The following RBFOX1 variants were observed in gnomAD, a reference collection of about 807,000 sequenced individuals.
RBFOX1 encodes the protein RNA binding protein fox-1 homolog 1.
A neutral mutation model predicts 57.7 loss-of-function variants in RBFOX1; 8 were observed. That is an observed-to-expected ratio of 0.14 (90% confidence interval 0.08 to 0.25). RBFOX1 has a LOEUF of 0.25. Ranked by LOEUF, RBFOX1 falls within the 10% of genes least tolerant of loss-of-function variation. The pLI is 1.00. For synonymous variants in RBFOX1, 326 were observed against 222.4 expected, an observed-to-expected ratio of 1.47 and a Z score of -4.15; for missense variants, 611 against 548.5, an observed-to-expected ratio of 1.11 and a Z score of -1.14.
At chr16:7,296,676 A>G (rs1004713153) in intron 4 of RBFOX1, among the ~76,000 whole-genome samples, 1 of 152,174 alleles carries the variant, frequency 6.6e-6, no homozygotes, top group African/African-American at 2.4e-5. Context: ...GCTGCAATGA[A>G]TAGGCTCCCT....
intron 4 of RBFOX1, among the ~76,000 whole-genome samples, chr16:7,446,728 C>G (rs969745010): frequency 6.7e-6 from 1 of 149,130 alleles, no homozygotes; most frequent in Non-Finnish European, 1.5e-5. Context: ...TTTTCTCTTA[C>G]TAAAGAAGAC....
intron 4 of RBFOX1, among the ~76,000 whole-genome samples, chr16:5,944,964 T>TAAA (rs386384118): frequency 0.025 from 1,200 of 47,692 alleles, 156 homozygotes; most frequent in African/African-American, 0.091. Flanking sequence ...GACTCTGTCA[T>TAAA]AAAAAAAAAA....
chr16:7,620,184 A>G (rs922276836), intron 10 of RBFOX1, among the ~76,000 whole-genome samples: 1 of 152,192 alleles, frequency 6.6e-6, no homozygotes, highest in African/African-American at 2.4e-5. Flanking sequence ...TGCTATTTCC[A>G]TGATTATGAT....
intron 4 of RBFOX1, among the ~76,000 whole-genome samples, chr16:7,068,879 G>A (rs923701678): frequency 3.3e-5 from 5 of 152,196 alleles, no homozygotes; most frequent in East Asian, 1.9e-4. Flanking sequence ...ATGAGCCACC[G>A]CGCCCGGCCT....
intron 3 of RBFOX1, among the ~76,000 whole-genome samples, chr16:6,999,115 C>T (rs188557293): frequency 4.4e-4 from 67 of 151,656 alleles, no homozygotes; most frequent in African/African-American, 1.3e-3. Context: ...GTGATCCGCC[C>T]GCCTCTGCCT....
chr16:6,603,622 A>G (rs1474287662), intron 2 of RBFOX1, among the ~76,000 whole-genome samples: 3 of 152,158 alleles, frequency 2.0e-5, no homozygotes. Flanking sequence ...CCCCCCGGGC[A>G]GCCGCTATGT....
rs568119327 is a variant in RBFOX1 at position 6,042,139 on chromosome 16, C to T, written c.-127+22147C>T. On this transcript the variant is annotated intron_variant, in intron 1 of 15. Coordinates refer to ENST00000550418, the MANE Select transcript of RBFOX1 (RefSeq NM_018723.4). ...TTTTTGAGACAGAGTCTCCCACTGT[C>T]GCCAGAGCTGGAGTGCAGTGGTGCC... 1.5e-4 allele frequency among the ~76,000 whole-genome samples: 22 copies of T among 149,384 alleles called. 1 individual carries two copies. In the East Asian group the frequency reaches 2.7e-3, roughly 19 times the overall value.
intron 3 of RBFOX1, among the ~76,000 whole-genome samples, chr16:5,706,163 G>A (rs2051240785): frequency 6.6e-6 from 1 of 152,268 alleles, no homozygotes; most frequent in Non-Finnish European, 1.5e-5. Flanking sequence ...TGCCAGCCTC[G>A]GCCTCCCAAA....
intron 4 of RBFOX1, among the ~76,000 whole-genome samples, chr16:7,079,394 A>G (rs1186743627): frequency 6.6e-6 from 1 of 152,142 alleles, no homozygotes; most frequent in Non-Finnish European, 1.5e-5. Flanking sequence ...AAAACACAGA[A>G]TGCTTCATAT....
intron 4 of RBFOX1, among the ~76,000 whole-genome samples, chr16:7,325,491 T>A (rs1313240682): frequency 1.3e-5 from 2 of 152,222 alleles, no homozygotes; most frequent in Non-Finnish European, 2.9e-5. Flanking sequence ...TAACATATGC[T>A]TAGTACATAC....
chr16:7,272,085 T>A (rs2153119596), intron 4 of RBFOX1, among the ~76,000 whole-genome samples: 1 of 152,332 alleles, frequency 6.6e-6, no homozygotes, highest in South Asian at 2.1e-4. Context: ...CATATCCCCA[T>A]TGTCGGCGTT....
chr16:6,688,433 G>A (rs538686004), intron 3 of RBFOX1, among the ~76,000 whole-genome samples: 1 of 152,232 alleles, frequency 6.6e-6, no homozygotes, highest in African/African-American at 2.4e-5. Context: ...GATGCAAACC[G>A]TATTACCTGC....
chr16:7,567,437 ATATATATATCCCTATGTATGGCCC>A (rs1287556945), intron 5 of RBFOX1, among the ~76,000 whole-genome samples: 10 of 136,676 alleles, frequency 7.3e-5, no homozygotes, highest in Admixed American at 5.3e-4. Flanking sequence ...ATGGCCCTAT[ATATATATATCCCTATGTATGGCCC>A]TATATATATA....
Position 7,141,968 on chromosome 16 carries a change from C to A in RBFOX1, c.27+89870C>A, listed in dbSNP as rs1485540385. On this transcript the variant is annotated intron_variant, in intron 4 of 15. Transcript: ENST00000550418. Reference sequence around the variant, plus strand: ...CAGCGGGATCCTATTTCTTATTTTCCTTCTCCTTCTTCTCCATCTTCTCCT... The same window carrying A: ...CAGCGGGATCCTATTTCTTATTTTCATTCTCCTTCTTCTCCATCTTCTCCT... Among the ~76,000 whole-genome samples the A allele has an allele frequency of 3.3e-5, 5 of 151,098 alleles. No homozygotes were observed. In the Admixed American group the frequency reaches 3.3e-4, roughly 10 times the overall value.
rs9935858 is a variant in RBFOX1, at chr16:5,353,504, T to C, written c.219+113399T>C. Among the ~76,000 whole-genome samples the C allele has an allele frequency of 9.2e-3, 1,398 of 152,192 alleles. 21 individuals are homozygous for C. The highest frequency in any genetic ancestry group is 0.031 in the African/African-American group (1,287 of 41,538). On this transcript the variant is annotated intron_variant, in intron 1 of 2. Transcript: ENST00000585867. ...TCCAGTTCAGATATTTGGTGGCATA[T>C]CCCATTTGCAAATGCAGGATGGATT...
intron 3 of RBFOX1, among the ~76,000 whole-genome samples, chr16:5,765,900 T>A (rs998744919): frequency 3.3e-5 from 5 of 152,136 alleles, no homozygotes; most frequent in Non-Finnish European, 7.4e-5. Flanking sequence ...TGGTTGTCAG[T>A]GAGGTATCTG....
At chr16:7,644,484 C>G (rs917038394) in intron 11 of RBFOX1, among the ~76,000 whole-genome samples, 5 of 152,202 alleles carry the variant, frequency 3.3e-5, no homozygotes, top group Non-Finnish European at 7.3e-5. Flanking sequence ...TTATCACTAA[C>G]TCCATCACCC....
intron 3 of RBFOX1, among the ~76,000 whole-genome samples, chr16:5,611,798 C>CCACCCACCCA (rs2047819396): frequency 7.9e-6 from 1 of 125,980 alleles, no homozygotes; most frequent in Admixed American, 8.4e-5. Context: ...ATCCATCCAC[C>CCACCCACCCA]CACCCACCCA....
intron 4 of RBFOX1, among the ~76,000 whole-genome samples, chr16:7,436,314 T>C (rs1339796431): frequency 6.6e-6 from 1 of 152,258 alleles, no homozygotes; most frequent in Non-Finnish European, 1.5e-5. Context: ...TCCTCTTTCA[T>C]TGTATGCCAA....
Sources: gnomAD v4.1 joint callset for allele counts (sites outside exome capture counted in the v4.1 genomes callset) on GRCh38, gnomAD v4.1.1 for gene constraint, MANE v1.5 for transcripts, NCBI Gene and HGNC (gene_info 2026-07-23, HGNC 2026-07-21) for gene names.